The following MEIG1 variants were observed in gnomAD, a reference collection of about 807,000 sequenced individuals.
MEIG1 encodes meiosis/spermiogenesis associated 1, also known as meiosis expressed gene 1 protein homolog.
Under a neutral mutation model 11.3 loss-of-function variants are expected in MEIG1, and 12 were observed. The ratio of observed to expected loss-of-function variants is 1.07; its 90% CI spans 0.68 to 1.73. The LOEUF is 1.73. MEIG1 is among the 40% of genes most tolerant of loss of function. MEIG1 has a pLI of 0.00. For missense variants in MEIG1, 119 were observed against 104.9 expected (o/e 1.13, Z -0.59); for synonymous variants, 41 against 33.2 (o/e 1.24, Z -0.81).
intron 1 of MEIG1, among the ~76,000 whole-genome samples, chr10:14,961,837 C>G (rs1329875213): frequency 6.6e-6 from 1 of 151,250 alleles, no homozygotes; most frequent in African/African-American, 2.4e-5. Flanking sequence ...GGCAGGGTCT[C>G]ATTCTTGTCT....
intron 1 of MEIG1, among the ~76,000 whole-genome samples, chr10:14,965,942 A>C (rs1362433991): frequency 6.6e-6 from 1 of 152,042 alleles, no homozygotes; most frequent in African/African-American, 2.4e-5. Flanking sequence ...TGTTTCTTAC[A>C]GTTTTATCCC....
At chr10:14,987,583 T>C (rs1843332047) in intron 2 of MEIG1, 1 of 560,192 alleles carries the variant, frequency 1.8e-6, no homozygotes, top group South Asian at 2.0e-5. Flanking sequence ...TTCTCAGTTG[T>C]GACAATTCCA....
rs538621176 is a variant in MEIG1, at chr10:14,967,026, G to A, written c.138+420G>A. ...TAGGATTACAGGCAATAGCCAGGAC[G>A]CCCAGCCAGACTCTCTCATCTTATT... On this transcript the variant is annotated intron_variant, in intron 2 of 2. Coordinates refer to ENST00000407572, the MANE Select transcript of MEIG1 (RefSeq NM_001080836.3). 5.9e-5 allele frequency among the ~76,000 whole-genome samples: 9 copies of A among 152,262 alleles called. No homozygotes were observed. The South Asian group carries it at 6.2e-4, about 11-fold the overall frequency.
chr10:14,959,979 C>T (rs539955571), intron 1 of MEIG1, among the ~76,000 whole-genome samples: 2 of 152,332 alleles, frequency 1.3e-5, no homozygotes, highest in Non-Finnish European at 2.9e-5. Context: ...CTGTGAGGGC[C>T]GGAAGGGAGC....
intron 1 of MEIG1, among the ~76,000 whole-genome samples, chr10:14,962,969 G>A (rs1843032912): frequency 6.6e-6 from 1 of 151,222 alleles, no homozygotes; most frequent in African/African-American, 2.4e-5. Context: ...TCACCATCTT[G>A]GCCAGGCTGG....
At chr10:14,978,177 C>T (rs776719876) in intron 1 of MEIG1, among the ~76,000 whole-genome samples, 4 of 151,702 alleles carry the variant, frequency 2.6e-5, no homozygotes. Context: ...CTCGCAATAT[C>T]CACAGGGAAT....
intron 2 of MEIG1, among the ~76,000 whole-genome samples, chr10:14,968,909 T>C (rs1843118638): frequency 1.3e-5 from 2 of 152,016 alleles, no homozygotes; most frequent in East Asian, 1.9e-4. Flanking sequence ...AGAAACCCTA[T>C]CTCTGCTAAA....
At chr10:14,961,456 G>C (rs956891001) in intron 1 of MEIG1, among the ~76,000 whole-genome samples, 1 of 151,890 alleles carries the variant, frequency 6.6e-6, no homozygotes, top group Non-Finnish European at 1.5e-5. Context: ...GCTACAACTT[G>C]GTATTTTAGA....
chr10:14,981,340 G>T (rs1316697762), intron 1 of MEIG1, among the ~76,000 whole-genome samples: 1 of 152,068 alleles, frequency 6.6e-6, no homozygotes. Flanking sequence ...GCTGTGTTCT[G>T]TCAAAGAGAG....
intron 1 of MEIG1, among the ~76,000 whole-genome samples, chr10:14,979,063 C>G (rs1016950186): frequency 6.6e-6 from 1 of 151,876 alleles, no homozygotes. Flanking sequence ...TGCCACAATA[C>G]GTGTACACCC....
chr10:14,963,858 G>A (rs537078867), intron 1 of MEIG1, among the ~76,000 whole-genome samples: 2 of 152,108 alleles, frequency 1.3e-5, no homozygotes, highest in African/African-American at 4.8e-5. Context: ...CAGCCTTTTG[G>A]GGGGCTGAGG....
At chr10:14,974,275 C>G (rs965373225), downstream of MEIG1, among the ~76,000 whole-genome samples, 47 of 152,246 alleles carry the variant, frequency 3.1e-4, no homozygotes, top group African/African-American at 1.1e-3. Context: ...CTGCTTGGAG[C>G]CCTCTCCGCC....
At position 14,972,574 on chromosome 10, in the gene MEIG1, A is replaced by G. The variant is rs554003033; in HGVS notation, c.200A>G (p.Tyr67Cys). Residue 67 changes from tyrosine to cysteine, a missense_variant, in exon 3 of 3, where the codon TAT becomes TGT. Tyr to Cys is a radical substitution (Grantham distance 194). Transcript: ENST00000407572. ...CTTCAGAGAAGGGACAATACGTTCTATTACTACAACAAACAGAGGGAATGT... is the reference window on the plus strand; with the variant it reads ...CTTCAGAGAAGGGACAATACGTTCTGTTACTACAACAAACAGAGGGAATGT... ...KKLQRRDNTF[Y>C]YYNKQRECDD... The G allele has an allele frequency of 9.3e-6, 15 of 1,613,984 alleles. No homozygotes were observed. Among genetic ancestry groups the G allele is most frequent in the African/African-American group, 1.3e-5 (1 of 75,042 alleles).
chr10:14,961,657 T>TTTTTTTTTTTTTTTTTTTTC (rs1843014904), intron 1 of MEIG1, among the ~76,000 whole-genome samples: 1 of 145,082 alleles, frequency 6.9e-6, no homozygotes, highest in African/African-American at 2.6e-5. Context: ...TTTTTTTTTT[T>TTTTTTTTTTTTTTTTTTTTC]TTAGTAGAGA....
downstream of MEIG1, among the ~76,000 whole-genome samples, chr10:14,976,260 C>G (rs1230151644): frequency 1.3e-5 from 2 of 152,118 alleles, no homozygotes; most frequent in Non-Finnish European, 2.9e-5. Context: ...GGTATACACC[C>G]TGCTGCATTA....
chr10:14,986,577 A>G (rs1373031024), intron 1 of MEIG1, among the ~76,000 whole-genome samples: 2 of 152,172 alleles, frequency 1.3e-5, no homozygotes, highest in East Asian at 3.9e-4. Context: ...AGCGTCTGCT[A>G]ACCTCCTTTA....
chr10:14,960,952 C>T (rs576379340), intron 1 of MEIG1, among the ~76,000 whole-genome samples: 1 of 152,096 alleles, frequency 6.6e-6, no homozygotes, highest in Non-Finnish European at 1.5e-5. Flanking sequence ...TCGCTTTAAC[C>T]TGGGAGGCGG....
intron 1 of MEIG1, among the ~76,000 whole-genome samples, chr10:14,981,241 G>A (rs1843259686): frequency 6.7e-6 from 1 of 148,562 alleles, no homozygotes; most frequent in Non-Finnish European, 1.5e-5. Context: ...CTCTTGGCCT[G>A]GCTCAGTTCA....
chr10:14,980,755 G>A (rs1843255100), intron 1 of MEIG1, among the ~76,000 whole-genome samples: 1 of 152,166 alleles, frequency 6.6e-6, no homozygotes, highest in South Asian at 2.1e-4. Flanking sequence ...CTTTGGGGAA[G>A]ACCGGTCCAA....
Sources: allele counts gnomAD v4.1 joint callset (sites outside exome capture counted in the v4.1 genomes callset), GRCh38; gene constraint gnomAD v4.1.1; transcripts MANE v1.5; gene names NCBI Gene and HGNC (gene_info 2026-07-23, HGNC 2026-07-21).